Variants in GPHN observed in about 807,000 individuals in gnomAD.
GPHN encodes the protein gephyrin.
A neutral mutation model predicts 95.5 loss-of-function variants in GPHN; 17 were observed. The ratio of observed to expected loss-of-function variants is 0.18; its 90% confidence interval spans 0.12 to 0.27. The LOEUF (loss-of-function observed/expected upper bound fraction) is 0.27. Among genes scored for constraint, GPHN ranks in the 10% least tolerant of loss-of-function variants. The pLI, the probability that GPHN is intolerant of heterozygous loss-of-function variation, is 1.00. For synonymous variants in GPHN, 320 were observed against 322.5 expected (o/e 0.99, Z 0.08); for missense variants, 660 against 978.1 (o/e 0.67, Z 4.34).
chr14:67,489,989 C>CA, the GPHN span, among the ~76,000 whole-genome samples: 388 of 139,122 alleles, frequency 2.8e-3, no homozygotes, highest in East Asian at 3.7e-3. Flanking sequence ...GACTCCGTCT[C>CA]AAAAAAAAAA....
At chr14:66,903,888 C>T (rs1296731495) in intron 5 of GPHN, among the ~76,000 whole-genome samples, 1 of 152,090 alleles carries the variant, frequency 6.6e-6, no homozygotes, top group Admixed American at 6.6e-5. Flanking sequence ...GACAACTTAT[C>T]TTAGATCACA....
chr14:66,666,365 T>C (rs189234396), intron 1 of GPHN, among the ~76,000 whole-genome samples: 2 of 151,536 alleles, frequency 1.3e-5, no homozygotes, highest in East Asian at 1.9e-4. Flanking sequence ...TTTGAAATGA[T>C]AACATTATGA....
chr14:67,166,015 A>T (rs1051696705), intron 20 of GPHN, among the ~76,000 whole-genome samples: 2 of 152,142 alleles, frequency 1.3e-5, no homozygotes, highest in African/African-American at 2.4e-5. Context: ...TTTGGCACAG[A>T]TTCCTTTAGA....
intron 5 of GPHN, among the ~76,000 whole-genome samples, chr14:66,889,535 C>T (rs544978646): frequency 6.6e-6 from 1 of 152,036 alleles, no homozygotes. Flanking sequence ...AAGAAGAAAT[C>T]ATAAGGGAAA....
At chr14:66,726,721 A>G (rs1035072817) in intron 2 of GPHN, among the ~76,000 whole-genome samples, 2 of 152,210 alleles carry the variant, frequency 1.3e-5, no homozygotes, top group Non-Finnish European at 2.9e-5. Context: ...AGATACACAG[A>G]TTGACCCTCC....
At chr14:67,570,116 G>GT in the GPHN span, 1 of 841,612 alleles carries the variant, frequency 1.2e-6, no homozygotes, top group Non-Finnish European at 1.9e-6. Context: ...TCTGCACATG[G>GT]TGACCCTGCC....
chr14:66,581,831 TG>T (rs2061188416), intron 1 of GPHN, among the ~76,000 whole-genome samples: 1 of 151,972 alleles, frequency 6.6e-6, no homozygotes, highest in South Asian at 2.1e-4. Context: ...GGTCAATTTA[TG>T]AAGAAGATAT....
At chr14:66,777,573 A>C (rs1222401680) in intron 3 of GPHN, among the ~76,000 whole-genome samples, 1 of 152,200 alleles carries the variant, frequency 6.6e-6, no homozygotes, top group African/African-American at 2.4e-5. Context: ...AAAAATCCTC[A>C]ATAAAATACT....
At chr14:67,709,252 C>T in the GPHN span, among the ~76,000 whole-genome samples, 1 of 152,182 alleles carries the variant, frequency 6.6e-6, no homozygotes, top group Non-Finnish European at 1.5e-5. Context: ...AGTGATAACT[C>T]AAGGATTTCC....
chr14:66,894,742 C>G (rs1239107366), intron 5 of GPHN, among the ~76,000 whole-genome samples: 1 of 152,136 alleles, frequency 6.6e-6, no homozygotes, highest in African/African-American at 2.4e-5. Flanking sequence ...ATGCAGCCAA[C>G]AGACACATGA....
At chr14:67,535,616 G>C in the GPHN span, among the ~76,000 whole-genome samples, 2 of 152,124 alleles carry the variant, frequency 1.3e-5, no homozygotes, top group African/African-American at 4.8e-5. Context: ...CTGACCTCAG[G>C]TAAGCCGCCT....
chr14:67,226,351 C>G, the GPHN span, among the ~76,000 whole-genome samples: 4 of 151,236 alleles, frequency 2.6e-5, no homozygotes, highest in Admixed American at 2.6e-4. Context: ...ACCACCACAA[C>G]CAGCTAGTTT....
At chr14:66,991,563 A>G (rs1477191056) in intron 9 of GPHN, among the ~76,000 whole-genome samples, 1 of 151,920 alleles carries the variant, frequency 6.6e-6, no homozygotes, top group Non-Finnish European at 1.5e-5. Context: ...CCTTGTTTCT[A>G]AAAATATTAA....
chr14:67,193,425 A>T, the GPHN span, among the ~76,000 whole-genome samples: 1 of 142,098 alleles, frequency 7.0e-6, no homozygotes, highest in Non-Finnish European at 1.5e-5. Flanking sequence ...ATCTATATTT[A>T]TATCTGTATA....
chr14:67,380,894 T>A, the GPHN span: 1 of 459,664 alleles, frequency 2.2e-6, no homozygotes, highest in Non-Finnish European at 3.8e-6. Context: ...TTGTTTTTTA[T>A]AACAAAAGCT....
intron 3 of GPHN, among the ~76,000 whole-genome samples, chr14:66,796,440 C>G (rs2060159749): frequency 6.6e-6 from 1 of 151,996 alleles, no homozygotes. Flanking sequence ...AACTATTCTT[C>G]ATAGAGTTTG....
chr14:66,687,608 G>A (rs145631096), intron 2 of GPHN, among the ~76,000 whole-genome samples: 5,770 of 150,264 alleles, frequency 0.038, 252 homozygotes, highest in African/African-American at 0.11. Flanking sequence ...TCCTGCCTCA[G>A]CCTCTTGAGT....
the GPHN span, among the ~76,000 whole-genome samples, chr14:67,409,758 C>T: frequency 4.6e-5 from 7 of 152,200 alleles, no homozygotes; most frequent in African/African-American, 1.4e-4. Context: ...CGGCTTCCAA[C>T]GCAGGCCCTG....
rs183563717 is a variant in GPHN at position 67,103,088 on chromosome 14, G to T, written c.1293+2177G>T. On this transcript the variant is annotated intron_variant, in intron 13 of 22. Transcript: ENST00000478722. ...GTTGTTCTTGGTTTTGGGTTTCTGG[G>T]TTTTTTCTTGAGACAGAGTCTTGCT... is the stretch of plus-strand genomic sequence containing the variant. 9.6e-3 allele frequency among the ~76,000 whole-genome samples: 1,465 copies of T among 152,078 alleles called. 75 individuals are homozygous for T. Among genetic ancestry groups the T allele is most frequent in the Admixed American group, 0.089 (1,357 of 15,262 alleles).
Sources: gnomAD v4.1 joint callset for allele counts (sites outside exome capture counted in the v4.1 genomes callset) on GRCh38, gnomAD v4.1.1 for gene constraint, MANE v1.5 for transcripts, NCBI Gene and HGNC (gene_info 2026-07-23, HGNC 2026-07-21) for gene names.